CSMD1: variants seen among roughly 807,000 people sequenced by gnomAD.
CSMD1 encodes CUB and sushi domain-containing protein 1.
A neutral mutation model predicts 417.5 loss-of-function variants in CSMD1; 213 were observed. The ratio of observed to expected loss-of-function variants is 0.51; its 90% CI spans 0.46 to 0.57. The LOEUF is 0.57. Ranked by LOEUF, CSMD1 falls within the 20% of genes least tolerant of loss-of-function variation. The probability of loss-of-function intolerance (pLI) is 0.00; values close to 1 mark genes in which losing one functional copy is unlikely to be tolerated. For missense variants in CSMD1, 6,923 were observed against 4,529.7 expected (o/e 1.53, Z -15.17); for synonymous variants, 2,862 against 1,736.8 (o/e 1.65, Z -16.11).
At chr8:4,786,060 A>G (rs1797385052) in intron 1 of CSMD1, among the ~76,000 whole-genome samples, 1 of 152,202 alleles carries the variant, frequency 6.6e-6, no homozygotes, top group Non-Finnish European at 1.5e-5. Flanking sequence ...TACATAAATT[A>G]TAAAAATACG....
intron 26 of CSMD1, chr8:3,279,281 T>C (rs1487073747): frequency 6.6e-6 from 1 of 152,184 alleles, no homozygotes; most frequent in Non-Finnish European, 1.5e-5. Flanking sequence ...CTCTCTGGAC[T>C]CACCACACTG....
At chr8:4,592,764 T>G (rs1402274804) in intron 2 of CSMD1, among the ~76,000 whole-genome samples, 3 of 152,184 alleles carry the variant, frequency 2.0e-5, no homozygotes, top group South Asian at 4.1e-4. Flanking sequence ...AATTTTAATA[T>G]TTATACTTAG....
At chr8:4,950,199 C>G (rs1455316521) in intron 1 of CSMD1, among the ~76,000 whole-genome samples, 1 of 152,072 alleles carries the variant, frequency 6.6e-6, no homozygotes, top group Non-Finnish European at 1.5e-5. Context: ...GTACCAATGT[C>G]TTCTGAAAAG....
chr8:4,872,006 G>T (rs955978702), intron 1 of CSMD1, among the ~76,000 whole-genome samples: 1 of 152,066 alleles, frequency 6.6e-6, no homozygotes, highest in African/African-American at 2.4e-5. Context: ...AACACATCGT[G>T]CTGATCATTT....
At chr8:3,013,061 AGGT>A (rs1808523693) in intron 52 of CSMD1, among the ~76,000 whole-genome samples, 1 of 152,180 alleles carries the variant, frequency 6.6e-6, no homozygotes, top group South Asian at 2.1e-4. Context: ...CTCCCCAGCC[AGGT>A]GGAACTGTGA....
chr8:4,902,348 GA>G (rs1180249467), intron 1 of CSMD1, among the ~76,000 whole-genome samples: 1 of 150,508 alleles, frequency 6.6e-6, no homozygotes, highest in African/African-American at 2.4e-5. Context: ...GAGGCAGAAG[GA>G]TTGATTGAGC....
intron 5 of CSMD1, among the ~76,000 whole-genome samples, chr8:3,847,142 C>A (rs899668263): frequency 2.6e-5 from 4 of 152,098 alleles, no homozygotes. Flanking sequence ...TGGGCAGGAC[C>A]TGTGACTGGC....
intron 2 of CSMD1, among the ~76,000 whole-genome samples, chr8:4,616,967 C>CA (rs72090345): frequency 5.4e-5 from 3 of 55,682 alleles, no homozygotes; most frequent in African/African-American, 2.3e-4. Context: ...AAGCAGATTT[C>CA]TTTTTTTTAC....
chr8:4,530,123 C>T (rs1310763959), intron 2 of CSMD1, among the ~76,000 whole-genome samples: 1 of 151,614 alleles, frequency 6.6e-6, no homozygotes, highest in Non-Finnish European at 1.5e-5. Context: ...CCGTGTTAGC[C>T]AGGATGGTCT....
chr8:3,120,367 G>T (rs1817126713), intron 41 of CSMD1, among the ~76,000 whole-genome samples: 2 of 152,156 alleles, frequency 1.3e-5, no homozygotes, highest in South Asian at 4.1e-4. Flanking sequence ...CAGCAACCAG[G>T]CAACGCAATA....
intron 2 of CSMD1, among the ~76,000 whole-genome samples, chr8:4,589,873 G>A (rs1445434796): frequency 6.6e-6 from 1 of 152,152 alleles, no homozygotes; most frequent in African/African-American, 2.4e-5. Flanking sequence ...TCTATCAGGA[G>A]CCTGATGCCA....
At position 3,066,578 on chromosome 8, in the gene CSMD1, C is replaced by G. The variant is rs145265491; in HGVS notation, c.7475-13931G>C. Among the ~76,000 whole-genome samples the G allele has an allele frequency of 2.8e-3, 427 of 152,212 alleles. 1 individual carries two copies. The highest frequency in any genetic ancestry group is 9.7e-3 in the African/African-American group (401 of 41,540). ...TCCTTGTGATATTTTGTCTTAATTT[C>G]TGAGGAATTTCAAATACAGACAGAC... On this transcript the variant is annotated intron_variant, in intron 49 of 69. Coordinates refer to ENST00000635120, the MANE Select transcript of CSMD1 (RefSeq NM_033225.6).
intron 12 of CSMD1, among the ~76,000 whole-genome samples, chr8:3,431,087 C>G (rs1210328015): frequency 2.6e-5 from 4 of 152,118 alleles, no homozygotes; most frequent in African/African-American, 9.7e-5. Flanking sequence ...TCCAGACTTT[C>G]TGTTCTAGAC....
chr8:4,534,648 C>G (rs1193460137), intron 2 of CSMD1, among the ~76,000 whole-genome samples: 3 of 151,968 alleles, frequency 2.0e-5, no homozygotes, highest in African/African-American at 7.3e-5. Context: ...GCCATGTGTG[C>G]TCAGTGTTTA....
rs73504779 is a variant in CSMD1 at position 3,818,134 on chromosome 8, T to A, written c.819-64092A>T. Reference sequence around the variant, plus strand: ...TGAGAGCCCAGGACCCAAAGAGAGTTTCAGCTAAGGGTAGTGCCTCCTCTG... The same window carrying A: ...TGAGAGCCCAGGACCCAAAGAGAGTATCAGCTAAGGGTAGTGCCTCCTCTG... On this transcript the variant is annotated intron_variant, in intron 5 of 69. Coordinates refer to ENST00000635120, the MANE Select transcript of CSMD1 (RefSeq NM_033225.6). Among the ~76,000 whole-genome samples, 615 of 152,078 alleles carry A rather than the reference T, an allele frequency of 4.0e-3. 7 individuals are homozygous for A. The highest frequency in any genetic ancestry group is 0.014 in the African/African-American group (582 of 41,486).
At chr8:3,960,089 C>A (rs546971522) in intron 5 of CSMD1, among the ~76,000 whole-genome samples, 2 of 152,250 alleles carry the variant, frequency 1.3e-5, no homozygotes, top group East Asian at 3.9e-4. Context: ...GACAACAGTG[C>A]TGGAGCTAAG....
chr8:4,646,485 G>C (rs185459494), intron 1 of CSMD1, among the ~76,000 whole-genome samples: 1 of 152,254 alleles, frequency 6.6e-6, no homozygotes, highest in Non-Finnish European at 1.5e-5. Flanking sequence ...GATGTAAATT[G>C]ATGTAGTTTA....
At chr8:3,907,739 C>G (rs955755864) in intron 5 of CSMD1, among the ~76,000 whole-genome samples, 1 of 152,166 alleles carries the variant, frequency 6.6e-6, no homozygotes, top group African/African-American at 2.4e-5. Flanking sequence ...TGAGTAATCT[C>G]AGACCTGCCT....
chr8:3,179,738 C>A (rs72621196), intron 37 of CSMD1, among the ~76,000 whole-genome samples: 1 of 152,088 alleles, frequency 6.6e-6, no homozygotes, highest in Non-Finnish European at 1.5e-5. Flanking sequence ...ATAAACAAGG[C>A]TTATGTTTTT....
Sources: gnomAD v4.1 joint callset for allele counts (sites outside exome capture counted in the v4.1 genomes callset) on GRCh38, gnomAD v4.1.1 for gene constraint, MANE v1.5 for transcripts, NCBI Gene and HGNC (gene_info 2026-07-23, HGNC 2026-07-21) for gene names.